Variants in CSMD1 observed in about 807,000 individuals in gnomAD.
CSMD1 encodes CUB and Sushi multiple domains 1.
Under a neutral mutation model 417.5 loss-of-function variants are expected in CSMD1, and 213 were observed. The ratio of observed to expected loss-of-function variants is 0.51; its 90% CI spans 0.46 to 0.57. The LOEUF (loss-of-function observed/expected upper bound fraction) is 0.57. CSMD1 is among the 20% of genes least tolerant of loss of function. The probability of loss-of-function intolerance (pLI) is 0.00; values close to 1 mark genes in which losing one functional copy is unlikely to be tolerated. For synonymous variants in CSMD1, 2,862 were observed against 1,736.8 expected, an observed-to-expected ratio of 1.65 and a Z score of -16.11; for missense variants, 6,923 against 4,529.7, an observed-to-expected ratio of 1.53 and a Z score of -15.17.
At chr8:3,941,435 A>C (rs1231608006) in intron 5 of CSMD1, among the ~76,000 whole-genome samples, 2 of 152,072 alleles carry the variant, frequency 1.3e-5, no homozygotes, top group Non-Finnish European at 2.9e-5. Context: ...TCAGTCTATA[A>C]AATTTGATTG....
At chr8:3,106,815 T>G in intron 45 of CSMD1, 174 bp from the exon 46 acceptor site, 1 of 481,846 alleles carries the variant, frequency 2.1e-6, no homozygotes, top group East Asian at 3.2e-5. Flanking sequence ...AGTTCTTAAT[T>G]TATAAAAATG....
At chr8:4,725,943 G>A (rs1809407565) in intron 1 of CSMD1, among the ~76,000 whole-genome samples, 2 of 152,058 alleles carry the variant, frequency 1.3e-5, no homozygotes, top group South Asian at 2.1e-4. Context: ...GTAGATACAC[G>A]GCATTCGTCA....
chr8:3,568,403 A>G (rs1209167124), intron 10 of CSMD1, among the ~76,000 whole-genome samples: 1 of 152,202 alleles, frequency 6.6e-6, no homozygotes, highest in Non-Finnish European at 1.5e-5. Flanking sequence ...ATACATCAAT[A>G]AAGCTGGAAA....
At chr8:4,457,672 G>A (rs1050130863) in intron 2 of CSMD1, among the ~76,000 whole-genome samples, 1 of 152,146 alleles carries the variant, frequency 6.6e-6, no homozygotes, top group Admixed American at 6.5e-5. Flanking sequence ...CTCAGACAAT[G>A]AAGAGCACTA....
At chr8:3,308,171 C>CAAATCTCAGAATACAT (rs1446938792) in intron 24 of CSMD1, 141 bp downstream of exon 24, 5 of 679,762 alleles carry the variant, frequency 7.4e-6, no homozygotes, top group Non-Finnish European at 1.2e-5. Flanking sequence ...CAGACACGTG[C>CAAATCTCAGAATACAT]AAATCTCAGA....
intron 2 of CSMD1, among the ~76,000 whole-genome samples, chr8:4,565,260 G>A (rs1243301071): frequency 1.3e-5 from 2 of 152,180 alleles, no homozygotes; most frequent in East Asian, 3.9e-4. Context: ...ATTCACAATA[G>A]TGTGCAGAAT....
intron 1 of CSMD1, among the ~76,000 whole-genome samples, chr8:4,851,393 C>T (rs1801472140): frequency 6.6e-6 from 1 of 151,930 alleles, no homozygotes; most frequent in South Asian, 2.1e-4. Flanking sequence ...CCTGCTTTTC[C>T]TTTTTTGTTT....
chr8:4,905,230 C>G (rs1402544534), intron 1 of CSMD1, among the ~76,000 whole-genome samples: 1 of 152,064 alleles, frequency 6.6e-6, no homozygotes, highest in Non-Finnish European at 1.5e-5. Context: ...CAGGCATTAT[C>G]TCTCCTCCAA....
intron 1 of CSMD1, among the ~76,000 whole-genome samples, chr8:4,726,349 A>C (rs1387639265): frequency 6.6e-6 from 1 of 151,876 alleles, no homozygotes; most frequent in Non-Finnish European, 1.5e-5. Context: ...TTCCTGAAAG[A>C]TAGTTATTAT....
At chr8:4,143,923 C>T (rs906502624) in intron 3 of CSMD1, among the ~76,000 whole-genome samples, 6 of 151,126 alleles carry the variant, frequency 4.0e-5, no homozygotes, top group Non-Finnish European at 8.8e-5. Context: ...GGTGAATTGG[C>T]CCGTGTTGCA....
intron 6 of CSMD1, among the ~76,000 whole-genome samples, chr8:3,739,442 G>C (rs189279454): frequency 4.6e-5 from 7 of 152,246 alleles, no homozygotes; most frequent in Non-Finnish European, 5.9e-5. Flanking sequence ...AATGTTTGAA[G>C]TGATGCACCC....
intron 45 of CSMD1, chr8:3,106,910 C>T (rs1357306950): frequency 6.4e-6 from 2 of 314,896 alleles, no homozygotes; most frequent in Non-Finnish European, 1.2e-5. Flanking sequence ...GGTTTCCCTT[C>T]CCCAGTGATT....
chr8:3,860,113 T>A (rs763854472), intron 5 of CSMD1, among the ~76,000 whole-genome samples: 3 of 152,130 alleles, frequency 2.0e-5, no homozygotes, highest in African/African-American at 7.2e-5. Flanking sequence ...TGCCTTCATA[T>A]TGATCCCCTT....
chr8:3,546,804 A>G (rs57628667), intron 10 of CSMD1, among the ~76,000 whole-genome samples: 2,180 of 152,352 alleles, frequency 0.014, 58 homozygotes, highest in African/African-American at 0.05. Flanking sequence ...CAGCTCCCTG[A>G]AGAACATCAT....
chr8:4,424,446 A>C (rs181593464), intron 2 of CSMD1, among the ~76,000 whole-genome samples: 37 of 152,168 alleles, frequency 2.4e-4, no homozygotes, highest in African/African-American at 7.5e-4. Context: ...TTTACTCTAC[A>C]TCAATAGACA....
chr8:4,423,095 T>G (rs1399712580), intron 2 of CSMD1, among the ~76,000 whole-genome samples: 1 of 152,072 alleles, frequency 6.6e-6, no homozygotes, highest in Admixed American at 6.6e-5. Context: ...AACATTTTGC[T>G]TAGTGGTTGA....
intron 29 of CSMD1, among the ~76,000 whole-genome samples, chr8:3,218,765 G>A (rs1241743452): frequency 9.9e-5 from 15 of 151,776 alleles, no homozygotes; most frequent in African/African-American, 3.4e-4. Context: ...CCAGCTACTC[G>A]GGGGGCTGAG....
chr8:4,185,312 C>G (rs947379058), intron 3 of CSMD1, among the ~76,000 whole-genome samples: 3 of 151,958 alleles, frequency 2.0e-5, no homozygotes, highest in African/African-American at 7.3e-5. Flanking sequence ...TTTAGGGACC[C>G]TGTCTTAAAA....
At chr8:4,358,794 C>G (rs1169285267) in intron 3 of CSMD1, among the ~76,000 whole-genome samples, 1 of 152,058 alleles carries the variant, frequency 6.6e-6, no homozygotes. Flanking sequence ...TCAGCCAAGG[C>G]AAGGGTAAAC....
Sources: allele counts gnomAD v4.1 joint callset (sites outside exome capture counted in the v4.1 genomes callset), GRCh38; gene constraint gnomAD v4.1.1; transcripts MANE v1.5; gene names NCBI Gene and HGNC (gene_info 2026-07-23, HGNC 2026-07-21).